CHEK2: variants seen among roughly 807,000 people sequenced by gnomAD.
The protein encoded by CHEK2 is serine/threonine-protein kinase Chk2.
In CHEK2, 71 loss-of-function variants were observed where a neutral mutation model predicts 69.1. The ratio of observed to expected loss-of-function variants is 1.03; its 90% CI spans 0.85 to 1.25. CHEK2 has a LOEUF of 1.25. CHEK2 is among the 50% of genes most tolerant of loss of function. The pLI is 0.00. For synonymous variants in CHEK2, 189 were observed against 226.9 expected (o/e 0.83, Z 1.50); for missense variants, 664 against 649.6 (o/e 1.02, Z -0.24).
chr22:28,710,013 A>C lies in CHEK2; in HGVS notation c.839T>G (p.Leu280Arg), dbSNP rs1490781911. 6.6e-7 allele frequency: 1 copy of C among 1,524,484 alleles called. No homozygotes were observed. Among genetic ancestry groups the C allele is most frequent in the Non-Finnish European group, 9.1e-7 (1 of 1,100,764 alleles). 94.4% of individuals were successfully genotyped at this position (1,524,484 alleles called of 1,614,324 possible). The change falls in exon 7 of 15, where the codon CTA (leucine) becomes CGA (arginine). Residue 280 changes from leucine to arginine, a missense_variant. Leu to Arg is a moderately radical substitution (Grantham distance 102). Transcript: ENST00000404276. ...TCATATAATAATACTTACATGATTT[A>C]GCTTTTTCAAAATTTCTATTTCTGT... The part of the protein sequence containing the change: ...VETEIEILKK[L>R]NHPCIIKIKN...
At chr22:28,720,406 A>G (rs1021616548) in intron 4 of CHEK2, among the ~76,000 whole-genome samples, 1 of 152,074 alleles carries the variant, frequency 6.6e-6, no homozygotes, top group Non-Finnish European at 1.5e-5. Flanking sequence ...AAAAAAAAGT[A>G]AAACAACTAC....
chr22:28,712,865 T>C (rs1452879691), intron 5 of CHEK2, among the ~76,000 whole-genome samples: 2 of 152,194 alleles, frequency 1.3e-5, no homozygotes, highest in African/African-American at 4.8e-5. Flanking sequence ...TTCAGTAGCA[T>C]TAAGTACATT....
Position 28,703,532 on chromosome 22 carries a change from G to C in CHEK2, c.881C>G (p.Ala294Gly), listed in dbSNP as rs1555916963. Residue 294 changes from alanine (A) to glycine (G), a missense_variant, in exon 8 of 15, where the codon GCA becomes GGA. By Grantham distance (60) the Ala-to-Gly change is moderately conservative. Coordinates refer to ENST00000404276, the MANE Select transcript of CHEK2 (RefSeq NM_007194.4). ...CIIKIKNFFD[A>G]EDYYIVLELM... The stretch of plus-strand genomic sequence containing the variant: ...TTCCAAAACAATATAATAATCTTCT[G>C]CATCAAAAAAGTTTTTAATCTTGAT... 6.4e-7 allele frequency: 1 copy of C among 1,550,876 alleles called. No homozygotes were observed. Among genetic ancestry groups the C allele is most frequent in the Admixed American group, 1.8e-5 (1 of 56,600 alleles).
chr22:28,723,588 G>C lies in CHEK2; in HGVS notation c.592+1389C>G, dbSNP rs1472591189. On this transcript the variant is annotated intron_variant, in intron 4 of 14. Coordinates refer to ENST00000404276, the MANE Select transcript of CHEK2 (RefSeq NM_007194.4). ...ACTCCAGCCTGGGCGACAGAGCAAGGCTCCGTCACAAGGAAAAAAAAAGAA... is the reference window on the plus strand; with the variant it reads ...ACTCCAGCCTGGGCGACAGAGCAAGCCTCCGTCACAAGGAAAAAAAAAGAA... 3.1e-5 allele frequency among the ~76,000 whole-genome samples: 4 copies of C among 128,998 alleles called. 1 individual carries two copies. Among genetic ancestry groups the C allele is most frequent in the Admixed American group, 2.7e-4 (3 of 11,166 alleles). The allele number at this position is 128,998 out of a possible 152,430, so 84.6% of individuals were successfully genotyped here.
rs1345067762 is a variant in CHEK2, at chr22:28,709,996, T to G, written c.846+10A>C. On this transcript the variant is annotated intron_variant, in intron 7 of 14. Coordinates refer to ENST00000404276, the MANE Select transcript of CHEK2 (RefSeq NM_007194.4). ...ATAAATCTAAGTATGAGTCATATAA[T>G]AATACTTACATGATTTAGCTTTTTC... The G allele has an allele frequency of 7.1e-7, 1 of 1,401,806 alleles. No individual in the cohort carries two copies. The allele number at this position is 1,401,806 out of a possible 1,614,324, so 86.8% of individuals were successfully genotyped here.
At chr22:28,724,794 G>GACCTCAGGTGATCCATCC in intron 4 of CHEK2, 183 bp downstream of exon 4, 1 of 680,842 alleles carries the variant, frequency 1.5e-6, no homozygotes, top group East Asian at 3.0e-5. Context: ...TCGAACTCCT[G>GACCTCAGGTGATCCATCC]ACCTCAGGTG....
rs1555913429 is a variant in CHEK2, at chr22:28,695,154, C to A, written c.1348G>T (p.Glu450Ter). Residue 450 changes from glutamate (E) to a stop codon, truncating the protein, a stop_gained, in exon 12 of 15, where the codon GAA becomes TAA. Coordinates refer to ENST00000404276, the MANE Select transcript of CHEK2 (RefSeq NM_007194.4). LOFTEE classifies it high-confidence loss of function. The stretch of plus-strand genomic sequence containing the variant: ...TTCTCTGAGACTTCTGCCCAGACTT[C>A]AGGAATGAAGTTGTATTTTCCACTG... ...ITSGKYNFIP[E>*]VWAEVSEKAL... 1 of 1,612,652 alleles carries A rather than the reference C, an allele frequency of 6.2e-7. No homozygotes were observed. Among genetic ancestry groups the A allele is most frequent in the East Asian group, 2.2e-5 (1 of 44,860 alleles).
intron 2 of CHEK2, among the ~76,000 whole-genome samples, chr22:28,732,731 T>C (rs1348457208): frequency 6.6e-6 from 1 of 152,210 alleles, no homozygotes; most frequent in Non-Finnish European, 1.5e-5. Context: ...CAGTCCTTCA[T>C]TTCTTTATAT....
In CHEK2 at chr22:28,704,727, C is replaced by A. The variant is rs189928131; in HGVS notation, c.847-1161G>T. ...GGTGAGTATTCATCAGGGACATACA[C>A]CCCAGCACATTGGAGGACTGTAGTT... On this transcript the variant is annotated intron_variant, in intron 7 of 14. Transcript: ENST00000404276. Among the ~76,000 whole-genome samples, 41 of 152,246 alleles carry A rather than the reference C, an allele frequency of 2.7e-4. No homozygotes were observed. The East Asian group carries it at 6.2e-3, about 23-fold the overall frequency.
chr22:28,702,979 C>T (rs2052947405), intron 8 of CHEK2, among the ~76,000 whole-genome samples: 1 of 152,140 alleles, frequency 6.6e-6, no homozygotes, highest in African/African-American at 2.4e-5. Context: ...GGTACAGATA[C>T]AACCATCCAT....
At chr22:28,704,883 A>C (rs1569130242) in intron 7 of CHEK2, among the ~76,000 whole-genome samples, 1 of 152,148 alleles carries the variant, frequency 6.6e-6, no homozygotes, top group Admixed American at 6.6e-5. Flanking sequence ...TCTGATTAAG[A>C]TCATCCAATG....
chr22:28,709,920 T>C, intron 7 of CHEK2, 86 bp downstream of exon 7: 1 of 823,316 alleles, frequency 1.2e-6, no homozygotes, highest in South Asian at 1.5e-5. Context: ...CTGGCCAATA[T>C]TATCTTTATT....
At chr22:28,711,873 T>A (rs750141698) in intron 6 of CHEK2, 36 bp downstream of exon 6, 12 of 1,348,822 alleles carry the variant, frequency 8.9e-6, no homozygotes, top group Non-Finnish European at 1.3e-5. Context: ...TGAAGACGTG[T>A]TAATAAAAGG....
intron 8 of CHEK2, 82 bp from the exon 9 acceptor site, chr22:28,700,019 T>G: frequency 1.1e-6 from 1 of 891,442 alleles, no homozygotes; most frequent in Non-Finnish European, 1.8e-6. Flanking sequence ...ACAAAACAAA[T>G]TCATTAAGAC....
At chr22:28,710,732 A>G (rs1024213041) in intron 6 of CHEK2, among the ~76,000 whole-genome samples, 6 of 152,250 alleles carry the variant, frequency 3.9e-5, no homozygotes, top group African/African-American at 1.4e-4. Flanking sequence ...TTACATATTT[A>G]TGTAAAATGA....
chr22:28,722,333 G>A (rs1254372162), intron 4 of CHEK2, among the ~76,000 whole-genome samples: 2 of 151,868 alleles, frequency 1.3e-5, no homozygotes, highest in African/African-American at 4.8e-5. Flanking sequence ...GAGGTCAGGA[G>A]ATGGAGACCA....
In CHEK2 at chr22:28,695,789, C is replaced by T. The variant is rs587780169; in HGVS notation, c.1180G>A (p.Glu394Lys). ...GCAGTCCCAACAGAAACAAGAACTT[C>T]AGGCGCCAAGTAGGTGGGGGTTCCA... Reference protein sequence around the residue: ...LCGTPTYLAPEVLVSVGTAGY... With the variant: ...LCGTPTYLAPKVLVSVGTAGY... The change falls in exon 11 of 15, where the codon GAA (glutamate) becomes AAA (lysine). Residue 394 changes from glutamate to lysine, a missense_variant. Transcript: ENST00000404276. The T allele has an allele frequency of 7.4e-6, 12 of 1,613,826 alleles. No homozygotes were observed. Among genetic ancestry groups the T allele is most frequent in the Middle Eastern group, 1.6e-4 (1 of 6,078 alleles).
intron 5 of CHEK2, among the ~76,000 whole-genome samples, chr22:28,716,282 C>T (rs1340958199): frequency 6.6e-6 from 1 of 151,372 alleles, no homozygotes; most frequent in African/African-American, 2.4e-5. Flanking sequence ...CTACAACCTC[C>T]GCCTCCTGGG....
chr22:28,724,945 A>G, intron 4 of CHEK2, 32 bp downstream of exon 4: 1 of 1,612,928 alleles, frequency 6.2e-7, no homozygotes. Context: ...TGGAAAAAAA[A>G]AATTCCAGTA....
Sources: allele counts gnomAD v4.1 joint callset (sites outside exome capture counted in the v4.1 genomes callset), GRCh38; gene constraint gnomAD v4.1.1; transcripts MANE v1.5; gene names NCBI Gene and HGNC (gene_info 2026-07-23, HGNC 2026-07-21).